The following CLEC20A variants were observed in gnomAD, a reference collection of about 807,000 sequenced individuals.
CLEC20A encodes the protein C-type lectin domain containing 20A.
chr1:178,483,840 G>A (rs1649058008), intron 5 of CLEC20A: 1 of 152,242 alleles, frequency 6.6e-6, no homozygotes, highest in African/African-American at 2.4e-5. Flanking sequence ...TCCTGTCAGT[G>A]CCTTGCAGAT....
intron 7 of CLEC20A, chr1:178,480,733 G>C (rs1035493904): frequency 2.0e-5 from 3 of 151,802 alleles, no homozygotes; most frequent in Admixed American, 2.0e-4. Flanking sequence ...AGTGAGCCGC[G>C]ATCACGCCAC....
chr1:178,482,032 C>T (rs6684162), intron 7 of CLEC20A: 10,680 of 271,902 alleles, frequency 0.039, 1,058 homozygotes, highest in African/African-American at 0.21. Flanking sequence ...CTAAGACCCA[C>T]GCTCAGATCC....
At chr1:178,483,473 A>G (rs1649045378) in intron 5 of CLEC20A, 191 bp from the exon 6 acceptor site, 1 of 386,732 alleles carries the variant, frequency 2.6e-6, no homozygotes, top group Non-Finnish European at 4.6e-6. Context: ...GGCTCTTTTA[A>G]CCCAGCACTT....
rs1649005920 is a variant in CLEC20A, at chr1:178,482,138, TC to T, written c.1122+173del. ...AGACATTGGAGAGGGTAAGAAAAGA[TC>T]CAAAAAGATCTTGCCACATAACCAA... is the stretch of plus-strand genomic sequence containing the variant. On this transcript the variant is annotated intron_variant, in intron 7 of 7. Transcript: ENST00000623247. The T allele has an allele frequency of 7.7e-6, 3 of 389,636 alleles. No individual in the cohort carries two copies. In the South Asian group the frequency reaches 4.4e-4, roughly 57 times the overall value. The allele number at this position is 389,636 out of a possible 1,614,324, so 24.1% of individuals were successfully genotyped here.
At chr1:178,483,108 G>C in intron 6 of CLEC20A, 67 bp downstream of exon 6, 1 of 398,116 alleles carries the variant, frequency 2.5e-6, no homozygotes, top group Non-Finnish European at 4.4e-6. Context: ...CCTGTGCCAA[G>C]GAGTGACTGT....
intron 5 of CLEC20A, chr1:178,486,959 G>A: frequency 7.6e-6 from 3 of 396,694 alleles, no homozygotes; most frequent in Non-Finnish European, 1.3e-5. Context: ...TAGGAGGTGC[G>A]GAGGTCGGGC....
At chr1:178,488,382 A>G in intron 5 of CLEC20A, 119 bp downstream of exon 5, 1 of 396,720 alleles carries the variant, frequency 2.5e-6, no homozygotes, top group Non-Finnish European at 4.4e-6. Flanking sequence ...CCCTTAGCTC[A>G]CCCCTTTTCT....
At chr1:178,486,314 C>T (rs1364088087) in intron 5 of CLEC20A, 6 of 397,662 alleles carry the variant, frequency 1.5e-5, no homozygotes, top group Non-Finnish European at 2.7e-5. Flanking sequence ...TCATCCTCAA[C>T]TCCCTGGCCT....
intron 3 of CLEC20A, among the ~76,000 whole-genome samples, chr1:178,492,261 G>A (rs1262127129): frequency 1.3e-5 from 2 of 152,098 alleles, no homozygotes; most frequent in Non-Finnish European, 1.5e-5. Context: ...GGGAGACAGA[G>A]TGAGACCATC....
intron 5 of CLEC20A, chr1:178,486,769 G>A (rs1649157043): frequency 2.0e-5 from 8 of 398,696 alleles, no homozygotes; most frequent in Non-Finnish European, 3.5e-5. Context: ...AGGGCTGGAG[G>A]GCTGGGACGC....
At position 178,492,487 on chromosome 1, in the gene CLEC20A, G is replaced by T; in HGVS notation, c.463+14C>A. On this transcript the variant is annotated intron_variant, in intron 3 of 7. Transcript: ENST00000623247. Reference sequence around the variant, plus strand: ...CCAAATTCCCAGAAAAGGGAATGGGGAGCAGGTATGTACCTGGCTTTGGAG... The same window carrying T: ...CCAAATTCCCAGAAAAGGGAATGGGTAGCAGGTATGTACCTGGCTTTGGAG... 1 of 398,556 alleles carries T rather than the reference G, an allele frequency of 2.5e-6. No individual in the cohort carries two copies. The highest frequency in any genetic ancestry group is 4.4e-6 in the Non-Finnish European group (1 of 226,068). 24.7% of individuals were successfully genotyped at this position (398,556 alleles called of 1,614,324 possible).
intron 5 of CLEC20A, among the ~76,000 whole-genome samples, chr1:178,487,131 G>T (rs1649167928): frequency 6.6e-6 from 1 of 152,190 alleles, no homozygotes; most frequent in Non-Finnish European, 1.5e-5. Context: ...AGAAGGAGTG[G>T]CTTCGCGCGC....
chr1:178,493,828 C>A (rs1367202765), intron 2 of CLEC20A: 4 of 152,230 alleles, frequency 2.6e-5, no homozygotes, highest in Non-Finnish European at 4.4e-5. Flanking sequence ...ATCCCCCCAA[C>A]CCCAGCCTGT....
upstream of CLEC20A, among the ~76,000 whole-genome samples, chr1:178,499,194 A>C (rs1032622949): frequency 1.3e-5 from 2 of 152,218 alleles, no homozygotes; most frequent in Non-Finnish European, 2.9e-5. Context: ...CCTGACTGTG[A>C]GCTCCTTGAG....
intron 7 of CLEC20A, chr1:178,481,974 G>A (rs575107194): frequency 3.5e-5 from 7 of 202,692 alleles, no homozygotes; most frequent in African/African-American, 9.2e-5. Flanking sequence ...CTGAGGCTCA[G>A]AAAGACTAAG....
intron 5 of CLEC20A, chr1:178,484,774 T>A (rs544212270): frequency 1.3e-5 from 2 of 152,246 alleles, no homozygotes; most frequent in East Asian, 3.8e-4. Flanking sequence ...GAGCATTTTT[T>A]AAAATGTATT....
upstream of CLEC20A, chr1:178,496,945 G>T: frequency 2.5e-6 from 1 of 400,156 alleles, no homozygotes; most frequent in African/African-American, 2.0e-5. Flanking sequence ...AGCATGGCTG[G>T]GCACTGGCTG....
chr1:178,483,501 T>C, intron 5 of CLEC20A: 1 of 371,558 alleles, frequency 2.7e-6, no homozygotes, highest in East Asian at 3.9e-5. Flanking sequence ...TACACCATCA[T>C]CTTTCAGAAA....
rs865787662 is a variant in CLEC20A, at chr1:178,479,373, A to C, written c.*162T>G. 4.6e-4 allele frequency: 178 copies of C among 386,462 alleles called. No individual in the cohort carries two copies. The Middle Eastern group carries it at 9.8e-3, about 21-fold the overall frequency. The allele number at this position is 386,462 out of a possible 1,614,324, so 23.9% of individuals were successfully genotyped here. On this transcript the variant is annotated 3_prime_UTR_variant, in exon 8 of 8. Coordinates refer to ENST00000623247, the Ensembl canonical transcript of CLEC20A. The stretch of plus-strand genomic sequence containing the variant: ...TTCATTCTGTAAAATCCAGGGATGC[A>C]GGTTTCATGTGTAGTCTTGTTTTGT...
Sources: allele counts gnomAD v4.1 joint callset (sites outside exome capture counted in the v4.1 genomes callset), GRCh38; gene constraint gnomAD v4.1.1; transcripts MANE v1.5; gene names NCBI Gene and HGNC (gene_info 2026-07-23, HGNC 2026-07-21).